The following ANAPC2 variants were observed in gnomAD, a reference collection of about 807,000 sequenced individuals.
ANAPC2 encodes anaphase promoting complex subunit 2.
In ANAPC2, 29 loss-of-function variants were observed where a neutral mutation model predicts 84.3. That is an observed-to-expected ratio of 0.34 (90% CI 0.26 to 0.47). ANAPC2 has a LOEUF of 0.47. Ranked by LOEUF, ANAPC2 falls within the 20% of genes least tolerant of loss-of-function variation. The pLI is 1.00. For missense variants in ANAPC2, 857 were observed against 1,131.7 expected, an observed-to-expected ratio of 0.76 and a Z score of 3.48; for synonymous variants, 571 against 479.4, an observed-to-expected ratio of 1.19 and a Z score of -2.50.
chr9:137,177,941 C>T (rs983375880), intron 10 of ANAPC2, among the ~76,000 whole-genome samples: 1 of 152,164 alleles, frequency 6.6e-6, no homozygotes, highest in Middle Eastern at 3.2e-3. Context: ...AAGCAGCCTC[C>T]CCTAGAGCCT....
Position 137,175,325 on chromosome 9 carries a change from T to C in ANAPC2, c.2168A>G (p.Asp723Gly). 3 of 1,612,664 alleles carry C rather than the reference T, an allele frequency of 1.9e-6. No homozygotes were observed. ...GTCAATGAGCACCATGTTGTCCCGG[T>C]CCTGAGGCCGCTCCTCCTCAATGAC... is the stretch of plus-strand genomic sequence containing the variant. ...FSVIEEERPQ[D>G]RDNMVLIDSD... is the part of the protein sequence containing the mutation. The change falls in exon 12 of 13, where the codon GAC becomes GGC. Residue 723 changes from aspartate to glycine, a missense_variant. Transcript: ENST00000323927.
In ANAPC2 at chr9:137,174,939, G is replaced by A. The variant is rs1834174639; in HGVS notation, c.*3C>T. 1 of 1,544,478 alleles carries A rather than the reference G, an allele frequency of 6.5e-7. No homozygotes were observed. Among genetic ancestry groups the A allele is most frequent in the Non-Finnish European group, 8.7e-7 (1 of 1,145,172 alleles). On this transcript the variant is annotated 3_prime_UTR_variant, in exon 13 of 13. Transcript: ENST00000323927. The surrounding 1 kb of genome is among the most constrained non-coding windows in gnomAD (Gnocchi z 6.1). ...GCGGGCGGGCGGGCGGGCGGGCGAT[G>A]TGTCAGCTGCAGTTCTTGGGCAGGC...
chr9:137,188,492 G>A lies in ANAPC2; in HGVS notation c.41C>T (p.Ser14Phe). Residue 14 changes from serine to phenylalanine, a missense_variant, in exon 1 of 13, where the codon TCC becomes TTC. Ser to Phe is a radical substitution (Grantham distance 155, BLOSUM62 -2). Coordinates refer to ENST00000323927, the MANE Select transcript of ANAPC2 (RefSeq NM_013366.4). ...CACTAACAACTCCTGTCCGGGCCGG[G>A]AGTCGCTGTCCCCCTCCGCCACCAC... ...AVVVAEGDSD[S>F]RPGQELLVAW... The A allele has an allele frequency of 2.5e-6, 4 of 1,610,050 alleles. No individual in the cohort carries two copies. Among genetic ancestry groups the A allele is most frequent in the Middle Eastern group, 1.7e-4 (1 of 5,966 alleles).
Position 137,184,956 on chromosome 9 carries a change from G to C in ANAPC2, c.1005C>G (p.Ile335Met), listed in dbSNP as rs1170310642. The C allele has an allele frequency of 3.1e-6, 5 of 1,612,622 alleles. No homozygotes were observed. The highest frequency in any genetic ancestry group is 4.2e-6 in the Non-Finnish European group (5 of 1,179,694). ...RCHVQRFFYR[I>M]YASLRIEELF... ...GCTCCTCGATGCGCAGGCTGGCGTA[G>C]ATGCGGTAGAAGAACCTTTGCACGT... Residue 335 changes from isoleucine (I) to methionine (M), a missense_variant, in exon 4 of 13, where the codon ATC (isoleucine) becomes ATG (methionine). By Grantham distance (10) the Ile-to-Met change is conservative. Coordinates refer to ENST00000323927, the MANE Select transcript of ANAPC2 (RefSeq NM_013366.4).
chr9:137,180,537 C>G lies in ANAPC2; in HGVS notation c.1611-10G>C, dbSNP rs373543166. ...CACGTTGCGGATCTCCCTGGAAAGA[C>G]GAGTGTCTGGGCAGGGGGTCGTGAT... On this transcript the variant is annotated splice_polypyrimidine_tract_variant and intron_variant, in intron 8 of 12. Transcript: ENST00000323927. 6.2e-7 allele frequency: 1 copy of G among 1,612,946 alleles called. No individual in the cohort carries two copies. The highest frequency in any genetic ancestry group is 8.5e-7 in the Non-Finnish European group (1 of 1,179,906).
chr9:137,180,989 C>A, intron 7 of ANAPC2, 60 bp from the exon 8 acceptor site: 2 of 1,586,218 alleles, frequency 1.3e-6, no homozygotes, highest in South Asian at 1.1e-5. Context: ...CAGGGCCGCC[C>A]TCCTCCCATC....
intron 7 of ANAPC2, 78 bp from the exon 8 acceptor site, chr9:137,181,007 G>A (rs188940949): frequency 2.9e-4 from 449 of 1,558,792 alleles, no homozygotes; most frequent in Middle Eastern, 1.3e-3. Context: ...ATCCCGCCCA[G>A]CCAGACGGCA....
chr9:137,187,676 C>T lies in ANAPC2; in HGVS notation c.545G>A (p.Arg182Lys), dbSNP rs767134221. 1.9e-6 allele frequency: 3 copies of T among 1,614,080 alleles called. No homozygotes were observed. Among genetic ancestry groups the T allele is most frequent in the Non-Finnish European group, 2.5e-6 (3 of 1,180,032 alleles). ...MIQRLYGCFL[R>K]VYMQSKRKGE... Reference sequence around the variant, plus strand: ...CTTCCTCTTACTCTGCATATAGACTCTCAAGAAGCACCCATACAGACGCTG... The same window carrying T: ...CTTCCTCTTACTCTGCATATAGACTTTCAAGAAGCACCCATACAGACGCTG... The change falls in exon 2 of 13, where the codon AGA becomes AAA. Residue 182 changes from arginine (R) to lysine (K), a missense_variant. By Grantham distance (26) the Arg-to-Lys change is conservative (BLOSUM62 2). Transcript: ENST00000323927.
intron 6 of ANAPC2, among the ~76,000 whole-genome samples, chr9:137,182,502 C>T (rs935601628): frequency 6.6e-6 from 1 of 151,844 alleles, no homozygotes; most frequent in African/African-American, 2.4e-5. Flanking sequence ...GAGTGAGACT[C>T]CATCTCAAAA....
At chr9:137,184,470 G>A (rs1379283612) in intron 4 of ANAPC2, among the ~76,000 whole-genome samples, 1 of 143,090 alleles carries the variant, frequency 7.0e-6, no homozygotes, top group Non-Finnish European at 1.5e-5. Context: ...CCAAGACGCA[G>A]ACACAGAGCA....
chr9:137,187,543 A>T lies in ANAPC2; in HGVS notation c.678T>A (p.Ser226Arg). The T allele has an allele frequency of 6.2e-7, 1 of 1,613,592 alleles. No individual in the cohort carries two copies. Residue 226 changes from serine to arginine, a missense_variant, in exon 2 of 13, where the codon AGT (serine) becomes AGA (arginine). Coordinates refer to ENST00000323927, the MANE Select transcript of ANAPC2 (RefSeq NM_013366.4). ...GGCGACACCAGCACTGTTGCTTGTC[A>T]CTGCTGCACCCTGCACACAGCGGGC... is the stretch of plus-strand genomic sequence containing the variant. Reference protein sequence around the residue: ...LQSPLCAGCSSDKQQCWCRQA... With the variant: ...LQSPLCAGCSRDKQQCWCRQA...
At position 137,175,076 on chromosome 9, in the gene ANAPC2, T is replaced by C; in HGVS notation, c.2335A>G (p.Met779Val). The C allele has an allele frequency of 6.2e-7, 1 of 1,607,986 alleles. No individual in the cohort carries two copies. The highest frequency in any genetic ancestry group is 1.1e-5 in the South Asian group (1 of 90,040). The stretch of plus-strand genomic sequence containing the variant: ...AGTGCAGGCCCAGTCACCACAAACA[T>C]GCGGAGCATGTTGTAGATACGATCC... ...SLDRIYNMLRMFVVTGPALAE... is the reference protein window; with the variant it reads ...SLDRIYNMLRVFVVTGPALAE... The change falls in exon 13 of 13, where the codon ATG becomes GTG. Residue 779 changes from methionine to valine, a missense_variant. Transcript: ENST00000323927.
At chr9:137,181,605 G>C in intron 7 of ANAPC2, 76 bp downstream of exon 7, 3 of 1,398,632 alleles carry the variant, frequency 2.1e-6, no homozygotes, top group South Asian at 1.5e-5. Context: ...TCTGTGACAA[G>C]GGATGAGTCC....
At position 137,187,903 on chromosome 9, in the gene ANAPC2, C is replaced by T; in HGVS notation, c.318G>A (p.Gln106=). 1 of 1,613,832 alleles carries T rather than the reference C, an allele frequency of 6.2e-7. No individual in the cohort carries two copies. The highest frequency in any genetic ancestry group is 1.1e-5 in the South Asian group (1 of 91,092). ...SQCENSADEP[Q]CLLLLLDAFG... ...AAGCGTCAAGGAGTAGCAAAAGGCACTGGGGCTCATCCGCAGAGTTCTCGC... is the reference window on the plus strand; with the variant it reads ...AAGCGTCAAGGAGTAGCAAAAGGCATTGGGGCTCATCCGCAGAGTTCTCGC... The change falls in exon 2 of 13, where the codon CAG becomes CAA. Residue 106 remains glutamine, a synonymous_variant. Transcript: ENST00000323927.
At chr9:137,176,742 G>A (rs1306164904) in intron 10 of ANAPC2, 2 of 152,298 alleles carry the variant, frequency 1.3e-5, no homozygotes, top group Non-Finnish European at 2.9e-5. Flanking sequence ...GGGAACCGGA[G>A]GAGGCAGCAG....
At chr9:137,175,895 G>A (rs1834198119) in intron 10 of ANAPC2, 58 bp from the exon 11 acceptor site, 1 of 1,526,734 alleles carries the variant, frequency 6.5e-7, no homozygotes, top group East Asian at 2.4e-5. Flanking sequence ...AGGCCCGTGG[G>A]CTCTGCCACC....
chr9:137,177,610 G>T (rs920174482), intron 10 of ANAPC2, among the ~76,000 whole-genome samples: 3 of 152,190 alleles, frequency 2.0e-5, no homozygotes, highest in Non-Finnish European at 4.4e-5. Context: ...AAATGGTGAA[G>T]ACTTTTGGGG....
Position 137,187,996 on chromosome 9 carries a change from GA to G in ANAPC2, c.224del (p.Phe75SerfsTer55). The G allele has an allele frequency of 6.2e-7, 1 of 1,613,820 alleles. No homozygotes were observed. The highest frequency in any genetic ancestry group is 8.5e-7 in the Non-Finnish European group (1 of 1,180,034). On this transcript the variant is annotated frameshift_variant, in exon 2 of 13. Transcript: ENST00000323927. LOFTEE classifies it high-confidence loss of function. Reference protein sequence around the residue: ...HGLHSVLEEWFVEVLQNDLQA... With the variant: ...HGLHSVLEEWXVEVLQNDLQA... ...GCAGATCGTTCTGCAGCACCTCCAC[GA>G]ACCACTCCTCCAGGACCGAGTGTAG... is the stretch of plus-strand genomic sequence containing the variant.
chr9:137,184,700 C>T lies in ANAPC2; in HGVS notation c.1048+213G>A, dbSNP rs533978371. Among the ~76,000 whole-genome samples, 1,132 of 134,734 alleles carry T rather than the reference C, an allele frequency of 8.4e-3. 5 individuals carry two copies. The highest frequency in any genetic ancestry group is 0.019 in the South Asian group (77 of 4,082). The allele number at this position is 134,734 out of a possible 152,430, so 88.4% of individuals were successfully genotyped here. Reference sequence around the variant, plus strand: ...AGACGCAGACACAGAGCAGACACGGCGAAGGCACAGGGAGCCCAAGACGCA... The same window carrying T: ...AGACGCAGACACAGAGCAGACACGGTGAAGGCACAGGGAGCCCAAGACGCA... On this transcript the variant is annotated intron_variant, in intron 4 of 12. Coordinates refer to ENST00000323927, the MANE Select transcript of ANAPC2 (RefSeq NM_013366.4).
Sources: gnomAD v4.1 joint callset for allele counts (sites outside exome capture counted in the v4.1 genomes callset) on GRCh38, gnomAD v4.1.1 for gene constraint, Gnocchi (gnomAD v3.1) non-coding constraint, MANE v1.5 for transcripts, NCBI Gene and HGNC (gene_info 2026-07-23, HGNC 2026-07-21) for gene names.